Variants in PPFIA2 observed in about 807,000 individuals in gnomAD.
PPFIA2 encodes PPFI scaffold protein A2, also known as liprin-alpha-2.
PPFIA2 carries 46 observed loss-of-function variants against 175.5 expected under a neutral mutation model. That is an observed-to-expected ratio of 0.26 (90% CI 0.21 to 0.34). The LOEUF is 0.34. Among genes scored for constraint, PPFIA2 ranks in the 10% least tolerant of loss-of-function variants. PPFIA2 has a pLI of 1.00. For synonymous variants in PPFIA2, 568 were observed against 511.4 expected (o/e 1.11, Z -1.49); for missense variants, 1,179 against 1,506.1 (o/e 0.78, Z 3.60).
chr12:81,573,708 G>A (rs1230782038), intron 4 of PPFIA2, among the ~76,000 whole-genome samples: 2 of 151,840 alleles, frequency 1.3e-5, no homozygotes, highest in East Asian at 3.9e-4. Flanking sequence ...AGAACAGCAT[G>A]TCTTTAATCA....
chr12:81,621,088 GAGA>G (rs1474886516), intron 4 of PPFIA2, among the ~76,000 whole-genome samples: 1 of 152,194 alleles, frequency 6.6e-6, no homozygotes, highest in Non-Finnish European at 1.5e-5. Flanking sequence ...GAAAATCAGA[GAGA>G]AGGAGTAGGG....
chr12:81,471,941 T>G (rs2056804521), intron 4 of PPFIA2, among the ~76,000 whole-genome samples: 1 of 152,210 alleles, frequency 6.6e-6, no homozygotes, highest in Non-Finnish European at 1.5e-5. Context: ...TATATACATA[T>G]GTCCAACCTC....
intron 4 of PPFIA2, among the ~76,000 whole-genome samples, chr12:81,549,257 T>C (rs1352986452): frequency 1.3e-5 from 2 of 152,090 alleles, no homozygotes; most frequent in Non-Finnish European, 2.9e-5. Flanking sequence ...GAGTAAGAGT[T>C]ATATGTTTTA....
At chr12:81,263,158 A>C (rs1414602016) in intron 31 of PPFIA2, 73 bp downstream of exon 31, 1 of 1,364,600 alleles carries the variant, frequency 7.3e-7, no homozygotes, top group Non-Finnish European at 9.9e-7. Context: ...CCAAAAAGCA[A>C]GGTCAGAGAA....
At chr12:81,283,747 C>T (rs1027784527) in intron 25 of PPFIA2, among the ~76,000 whole-genome samples, 3 of 151,960 alleles carry the variant, frequency 2.0e-5, no homozygotes, top group Admixed American at 2.0e-4. Flanking sequence ...CCAAGAAATT[C>T]TTTAAAATTG....
intron 3 of PPFIA2, among the ~76,000 whole-genome samples, chr12:81,721,740 A>T (rs1055302179): frequency 1.1e-4 from 16 of 151,202 alleles, no homozygotes; most frequent in Non-Finnish European, 1.9e-4. Flanking sequence ...TTCATGACAG[A>T]GCACTGATAT....
chr12:81,557,175 C>T (rs772880782), intron 4 of PPFIA2, among the ~76,000 whole-genome samples: 1 of 147,370 alleles, frequency 6.8e-6, no homozygotes, highest in Non-Finnish European at 1.5e-5. Context: ...TTAGAGAGGA[C>T]AGATATAGAT....
At chr12:81,505,826 A>C (rs1364570178) in intron 4 of PPFIA2, 1 of 152,358 alleles carries the variant, frequency 6.6e-6, no homozygotes, top group African/African-American at 2.4e-5. Context: ...AGGCCCATTC[A>C]GTCCTTAGAA....
chr12:81,540,450 G>A lies in PPFIA2; in HGVS notation c.304-82584C>T, dbSNP rs531494738. Among the ~76,000 whole-genome samples the A allele has an allele frequency of 6.6e-5, 10 of 152,082 alleles. No homozygotes were observed. The South Asian group carries it at 8.3e-4, about 13-fold the overall frequency. On this transcript the variant is annotated intron_variant, in intron 4 of 32. Transcript: ENST00000549396. Reference sequence around the variant, plus strand: ...AAACTTACCACAAAGGCTGGGCTTGGTCTCTTATATGGGAAAATGCTTTGT... The same window carrying A: ...AAACTTACCACAAAGGCTGGGCTTGATCTCTTATATGGGAAAATGCTTTGT...
intron 4 of PPFIA2, among the ~76,000 whole-genome samples, chr12:81,493,754 C>CTATA (rs5799531): frequency 0.048 from 4,864 of 101,778 alleles, 153 homozygotes; most frequent in East Asian, 0.072. Flanking sequence ...GTGTGTGTGT[C>CTATA]TATATATATA....
intron 5 of PPFIA2, among the ~76,000 whole-genome samples, chr12:81,452,031 C>T (rs1047676094): frequency 1.3e-5 from 2 of 151,974 alleles, no homozygotes; most frequent in South Asian, 2.1e-4. Context: ...GCCATGAATC[C>T]TATGTTTGAA....
chr12:81,563,008 G>A (rs1291452483), intron 4 of PPFIA2, among the ~76,000 whole-genome samples: 8 of 151,992 alleles, frequency 5.3e-5, no homozygotes, highest in African/African-American at 1.9e-4. Context: ...AATAGACAAC[G>A]AACATTGTCT....
chr12:81,319,587 A>C (rs1268717205), intron 22 of PPFIA2, among the ~76,000 whole-genome samples: 1 of 151,890 alleles, frequency 6.6e-6, no homozygotes, highest in Non-Finnish European at 1.5e-5. Flanking sequence ...ATTTTCCTGC[A>C]GTAATTGTGT....
intron 7 of PPFIA2, among the ~76,000 whole-genome samples, chr12:81,436,429 A>AT (rs1324058474): frequency 6.6e-6 from 1 of 150,430 alleles, no homozygotes; most frequent in East Asian, 2.0e-4. Flanking sequence ...GCTCTTAATA[A>AT]TTTTTTAAAC....
At chr12:81,678,433 G>A (rs1567832145) in intron 3 of PPFIA2, among the ~76,000 whole-genome samples, 3 of 151,700 alleles carry the variant, frequency 2.0e-5, no homozygotes, top group Admixed American at 6.6e-5. Flanking sequence ...AGGGAAGGAT[G>A]GTGTTATAAC....
At chr12:81,377,525 C>A (rs1254982621) in intron 9 of PPFIA2, among the ~76,000 whole-genome samples, 1 of 151,696 alleles carries the variant, frequency 6.6e-6, no homozygotes. Context: ...TGCACTCCAG[C>A]CTGGGCCACA....
intron 24 of PPFIA2, among the ~76,000 whole-genome samples, chr12:81,290,029 C>A (rs1192932753): frequency 6.6e-6 from 1 of 151,258 alleles, no homozygotes; most frequent in Non-Finnish European, 1.5e-5. Flanking sequence ...TATATCTAGG[C>A]AGGAAAGGAG....
intron 4 of PPFIA2, chr12:81,472,385 A>G (rs541726168): frequency 6.6e-6 from 1 of 152,324 alleles, no homozygotes; most frequent in East Asian, 1.9e-4. Context: ...TTTAAATAAC[A>G]GTAGTTCAGT....
chr12:81,287,283 A>G (rs868728600), intron 24 of PPFIA2, among the ~76,000 whole-genome samples: 1 of 151,960 alleles, frequency 6.6e-6, no homozygotes, highest in Non-Finnish European at 1.5e-5. Flanking sequence ...TTACTTCTTT[A>G]AGAAACTACC....
Sources: gnomAD v4.1 joint callset for allele counts (sites outside exome capture counted in the v4.1 genomes callset) on GRCh38, gnomAD v4.1.1 for gene constraint, MANE v1.5 for transcripts, NCBI Gene and HGNC (gene_info 2026-07-23, HGNC 2026-07-21) for gene names.